PCGF5: variants seen among roughly 807,000 people sequenced by gnomAD.
The protein encoded by PCGF5 is polycomb group ring finger 5.
Under a neutral mutation model 44.3 loss-of-function variants are expected in PCGF5, and 9 were observed. That is an observed-to-expected ratio of 0.20 (90% confidence interval 0.12 to 0.35). PCGF5 has a LOEUF of 0.35. PCGF5 is among the 10% of genes least tolerant of loss of function. The probability of loss-of-function intolerance (pLI) is 1.00; values close to 1 mark genes in which losing one functional copy is unlikely to be tolerated. For synonymous variants in PCGF5, 95 were observed against 102.5 expected (o/e 0.93, Z 0.44); for missense variants, 146 against 305.3 (o/e 0.48, Z 3.89).
At chr10:91,159,618 T>C (rs1486688243), upstream of PCGF5, among the ~76,000 whole-genome samples, 2 of 152,214 alleles carry the variant, frequency 1.3e-5, no homozygotes, top group Non-Finnish European at 2.9e-5. Context: ...GAAATGAATG[T>C]TTGTTGTTTA....
At position 91,209,483 on chromosome 10, in the gene PCGF5, G is replaced by A. The variant is rs1392747786; in HGVS notation, c.-183-13206G>A. 2.0e-3 allele frequency among the ~76,000 whole-genome samples: 2 copies of A among 1,004 alleles called. 1 individual carries two copies. The highest frequency in any genetic ancestry group is 0.071 in the African/African-American group (2 of 28). The allele number at this position is 1,004 out of a possible 152,430, so 0.7% of individuals were successfully genotyped here. A position where few individuals can be genotyped will look rare whatever the true frequency, so the allele number is the denominator to read the frequency against. On this transcript the variant is annotated intron_variant, in intron 1 of 9. Coordinates refer to the PCGF5 transcript ENST00000614189. The stretch of plus-strand genomic sequence containing the variant: ...ATTAAAAAGAAAAAGGAGGCCGGGC[G>A]CGGTGGCTCACGCCTGTAATCCCAG...
At chr10:91,203,577 C>G (rs1338498553) in intron 1 of PCGF5, among the ~76,000 whole-genome samples, 1 of 152,128 alleles carries the variant, frequency 6.6e-6, no homozygotes, top group African/African-American at 2.4e-5. Context: ...TACATTGAAC[C>G]AGATGTGCCA....
At chr10:91,179,926 C>G (rs533377434) in intron 1 of PCGF5, among the ~76,000 whole-genome samples, 2 of 152,304 alleles carry the variant, frequency 1.3e-5, no homozygotes, top group East Asian at 3.9e-4. Context: ...AATCGCCATA[C>G]TGTTTTCCAT....
intron 6 of PCGF5, among the ~76,000 whole-genome samples, chr10:91,260,798 T>C (rs1229148863): frequency 1.2e-5 from 1 of 80,952 alleles, no homozygotes; most frequent in East Asian, 4.2e-4. Context: ...CATCACACTC[T>C]GGGGACTGTT....
chr10:91,218,332 C>T (rs1368046266), upstream of PCGF5, among the ~76,000 whole-genome samples: 3 of 151,624 alleles, frequency 2.0e-5, no homozygotes, highest in African/African-American at 7.3e-5. Flanking sequence ...TTTTTTTTCC[C>T]CTGGTCCTAT....
At chr10:91,188,139 G>A (rs760433295) in intron 1 of PCGF5, among the ~76,000 whole-genome samples, 5 of 152,208 alleles carry the variant, frequency 3.3e-5, no homozygotes, top group Non-Finnish European at 7.3e-5. Context: ...CGCAGAAGAC[G>A]GGTGATTTCT....
chr10:91,168,114 A>G (rs1564623159), intron 1 of PCGF5, among the ~76,000 whole-genome samples: 1 of 152,236 alleles, frequency 6.6e-6, no homozygotes, highest in Non-Finnish European at 1.5e-5. Context: ...GCTATGGACC[A>G]TCTAGATGGA....
intron 6 of PCGF5, among the ~76,000 whole-genome samples, chr10:91,254,195 C>T (rs1374356736): frequency 7.1e-6 from 1 of 140,568 alleles, no homozygotes; most frequent in Non-Finnish European, 1.5e-5. Flanking sequence ...GTCTCTTCCC[C>T]TCCACCTCGT....
chr10:91,195,081 TG>T (rs1844102935), intron 1 of PCGF5, among the ~76,000 whole-genome samples: 1 of 151,980 alleles, frequency 6.6e-6, no homozygotes, highest in Non-Finnish European at 1.5e-5. Flanking sequence ...AGAGTGAGGA[TG>T]GGGAAGGTGG....
chr10:91,156,834 CA>C, the PCGF5 span, among the ~76,000 whole-genome samples: 4 of 152,118 alleles, frequency 2.6e-5, no homozygotes. Flanking sequence ...ACTTCAGAAA[CA>C]AATCTTGAAG....
chr10:91,240,853 A>G (rs1845304530), intron 3 of PCGF5, among the ~76,000 whole-genome samples: 2 of 151,826 alleles, frequency 1.3e-5, no homozygotes, highest in South Asian at 4.1e-4. Context: ...TATTTTCAGT[A>G]TTTTAATAGT....
At chr10:91,275,307 G>GA (rs34912755) in intron 9 of PCGF5, among the ~76,000 whole-genome samples, 10 of 149,418 alleles carry the variant, frequency 6.7e-5, no homozygotes, top group Admixed American at 2.7e-4. Context: ...GTCAAGAAAT[G>GA]AAAAAAAAAT....
chr10:91,248,165 C>T (rs954287384), intron 3 of PCGF5, among the ~76,000 whole-genome samples: 18 of 152,154 alleles, frequency 1.2e-4, no homozygotes, highest in African/African-American at 4.3e-4. Flanking sequence ...CAAGCAGTCA[C>T]TTGTGCCACA....
chr10:91,278,972 C>T lies in PCGF5; in HGVS notation c.*656C>T, dbSNP rs1369354543. The T allele has an allele frequency of 6.6e-6, 1 of 152,594 alleles. No individual in the cohort carries two copies. The highest frequency in any genetic ancestry group is 1.9e-4 in the East Asian group (1 of 5,198). 9.5% of individuals were successfully genotyped at this position (152,594 alleles called of 1,614,324 possible). ...AATTGCACAAGGAAGGCATGTTAGCCCTCCAGATTGAAAATGTATGTGACC... is the reference window on the plus strand; with the variant it reads ...AATTGCACAAGGAAGGCATGTTAGCTCTCCAGATTGAAAATGTATGTGACC... On this transcript the variant is annotated 3_prime_UTR_variant, in exon 10 of 10. Coordinates refer to ENST00000336126, the MANE Select transcript of PCGF5 (RefSeq NM_032373.5).
chr10:91,182,727 ACT>A (rs1249917502), intron 1 of PCGF5, among the ~76,000 whole-genome samples: 3 of 151,454 alleles, frequency 2.0e-5, no homozygotes, highest in Non-Finnish European at 2.9e-5. Flanking sequence ...TGTCCTGGAG[ACT>A]CTGTTACATT....
chr10:91,189,677 G>T (rs1843997214), intron 1 of PCGF5, among the ~76,000 whole-genome samples: 1 of 152,086 alleles, frequency 6.6e-6, no homozygotes, highest in African/African-American at 2.4e-5. Context: ...AAATATCTAG[G>T]ATAACACACT....
At chr10:91,270,138 A>C (rs553473554) in intron 8 of PCGF5, among the ~76,000 whole-genome samples, 1 of 152,318 alleles carries the variant, frequency 6.6e-6, no homozygotes, top group African/African-American at 2.4e-5. Context: ...CAATATCTCT[A>C]TCCAGCCTTA....
At chr10:91,260,147 A>G (rs983898133) in intron 6 of PCGF5, among the ~76,000 whole-genome samples, 1 of 123,540 alleles carries the variant, frequency 8.1e-6, no homozygotes, top group Admixed American at 7.3e-5. Context: ...AAAAGTGGGC[A>G]AAGGGTATGA....
chr10:91,258,374 C>T (rs1845810304), intron 6 of PCGF5, among the ~76,000 whole-genome samples: 1 of 152,024 alleles, frequency 6.6e-6, no homozygotes, highest in Non-Finnish European at 1.5e-5. Context: ...TTGAGTATCC[C>T]TTATCCAAAA....
Sources: gnomAD v4.1 joint callset for allele counts (sites outside exome capture counted in the v4.1 genomes callset) on GRCh38, gnomAD v4.1.1 for gene constraint, MANE v1.5 for transcripts, NCBI Gene and HGNC (gene_info 2026-07-23, HGNC 2026-07-21) for gene names.